The following RIMBP2 variants were observed in gnomAD, a reference collection of about 807,000 sequenced individuals.
RIMBP2 encodes the protein RIMS-binding protein 2.
In RIMBP2, 48 loss-of-function variants were observed where a neutral mutation model predicts 118.6. That is an observed-to-expected ratio of 0.40 (90% CI 0.32 to 0.51). RIMBP2 has a LOEUF of 0.51. RIMBP2 is among the 20% of genes least tolerant of loss of function. RIMBP2 has a pLI of 0.41. For synonymous variants in RIMBP2, 762 were observed against 742.9 expected, an observed-to-expected ratio of 1.03 and a Z score of -0.42; for missense variants, 1,551 against 1,768.3, an observed-to-expected ratio of 0.88 and a Z score of 2.20.
At chr12:130,535,671 A>G (rs1487006218) in intron 2 of RIMBP2, among the ~76,000 whole-genome samples, 1 of 115,984 alleles carries the variant, frequency 8.6e-6, no homozygotes, top group Non-Finnish European at 1.8e-5. Flanking sequence ...ATATACATAT[A>G]TACACATATA....
intron 2 of RIMBP2, among the ~76,000 whole-genome samples, chr12:130,575,754 C>A (rs559150193): frequency 6.6e-6 from 1 of 152,242 alleles, no homozygotes; most frequent in African/African-American, 2.4e-5. Context: ...TCAGCAGAGG[C>A]TGCTCAGATG....
intron 1 of RIMBP2, among the ~76,000 whole-genome samples, chr12:130,664,403 G>GCATGCACGCACACA (rs2063792976): frequency 1.6e-5 from 1 of 61,694 alleles, no homozygotes; most frequent in East Asian, 4.7e-4. Flanking sequence ...ACACACGCAC[G>GCATGCACGCACACA]CACGCACGCA....
chr12:130,586,467 G>T (rs1343705198), intron 2 of RIMBP2, among the ~76,000 whole-genome samples: 5 of 152,068 alleles, frequency 3.3e-5, no homozygotes, highest in African/African-American at 1.2e-4. Flanking sequence ...AGAATAAGAA[G>T]AAGAAGAAGA....
At chr12:130,682,905 C>G (rs547149008) in intron 1 of RIMBP2, among the ~76,000 whole-genome samples, 2 of 152,182 alleles carry the variant, frequency 1.3e-5, no homozygotes, top group Admixed American at 1.3e-4. Context: ...ACGAGTACCC[C>G]GAGCTATGAG....
rs1451314912 is a variant in RIMBP2 at position 130,646,053 on chromosome 12, C to T, written c.-351-17597G>A. Reference sequence around the variant, plus strand: ...GCGGCAGCCAGTTCCCTCTCCACCTCCCTCACCACCTGCCTCTCCACCTCC... The same window carrying T: ...GCGGCAGCCAGTTCCCTCTCCACCTTCCTCACCACCTGCCTCTCCACCTCC... On this transcript the variant is annotated intron_variant, in intron 1 of 22. Transcript: ENST00000690449. 1.3e-4 allele frequency among the ~76,000 whole-genome samples: 17 copies of T among 127,558 alleles called. 2 individuals carry two copies. Among genetic ancestry groups the T allele is most frequent in the African/African-American group, 4.7e-4 (17 of 35,980 alleles). 83.7% of individuals were successfully genotyped at this position (127,558 alleles called of 152,430 possible).
chr12:130,406,731 C>G (rs533232627), intron 20 of RIMBP2, among the ~76,000 whole-genome samples: 2 of 152,290 alleles, frequency 1.3e-5, no homozygotes, highest in East Asian at 3.9e-4. Context: ...ACTGCAACCT[C>G]TGCCTCTCGG....
At chr12:130,565,059 G>A (rs1433053575) in intron 2 of RIMBP2, among the ~76,000 whole-genome samples, 2 of 152,178 alleles carry the variant, frequency 1.3e-5, no homozygotes, top group African/African-American at 4.8e-5. Flanking sequence ...GCAGCAGGGG[G>A]AAGGAAATGT....
intron 1 of RIMBP2, among the ~76,000 whole-genome samples, chr12:130,706,559 G>A (rs913214807): frequency 1.3e-5 from 2 of 152,254 alleles, no homozygotes; most frequent in African/African-American, 2.4e-5. Context: ...GCAGGTCCGC[G>A]CTCCCCATGG....
At position 130,434,584 on chromosome 12, in the gene RIMBP2, T is replaced by C. The variant is rs2077370412; in HGVS notation, c.2253+150A>G. On this transcript the variant is annotated intron_variant, in intron 14 of 22. Coordinates refer to ENST00000690449, the MANE Select transcript of RIMBP2 (RefSeq NM_001393629.1). The surrounding 1 kb of genome is among the most constrained non-coding windows in gnomAD (Gnocchi z 5.7). ...GCATTAAATATAAACTTCAGAAACC[T>C]AGCACGACTTAGGACCCCAGCTGGG... is the stretch of plus-strand genomic sequence containing the variant. 1 of 782,680 alleles carries C rather than the reference T, an allele frequency of 1.3e-6. No homozygotes were observed. The highest frequency in any genetic ancestry group is 2.0e-6 in the Non-Finnish European group (1 of 503,780). 48.5% of individuals were successfully genotyped at this position (782,680 alleles called of 1,614,324 possible).
rs79479399 is a variant in RIMBP2, at chr12:130,670,368, G to A, written c.-351-41912C>T. On this transcript the variant is annotated intron_variant, in intron 1 of 22. Coordinates refer to ENST00000690449, the MANE Select transcript of RIMBP2 (RefSeq NM_001393629.1). This position sits in a 1 kb window ranked among gnomAD's most constrained non-coding sequence, Gnocchi z 4.9. ...GCGGATCTTCCCGGCAGCCACCAGC[G>A]TGTGAGCATTTTGCCTCGGGAAACT... Among the ~76,000 whole-genome samples, 1,446 of 152,238 alleles carry A rather than the reference G, an allele frequency of 9.5e-3. 13 individuals carry two copies. The highest frequency in any genetic ancestry group is 0.031 in the Middle Eastern group (9 of 294).
chr12:130,505,594 C>T (rs2050245442), intron 4 of RIMBP2, among the ~76,000 whole-genome samples: 1 of 87,176 alleles, frequency 1.1e-5, no homozygotes, highest in South Asian at 5.6e-4. Context: ...TCATCCCCAA[C>T]CCCCACTCCC....
At position 130,438,539 on chromosome 12, in the gene RIMBP2, G is replaced by A. The variant is rs771057048; in HGVS notation, c.1505-23C>T. On this transcript the variant is annotated intron_variant, in intron 11 of 22. Coordinates refer to ENST00000690449, the MANE Select transcript of RIMBP2 (RefSeq NM_001393629.1). The stretch of plus-strand genomic sequence containing the variant: ...GTCCTGGGAGGGGACAGAAGGGAAC[G>A]GAGGCGTTCAGGGACCAGCCCTGGC... 151 of 1,561,158 alleles carry A rather than the reference G, an allele frequency of 9.7e-5. 2 individuals carry two copies. The Middle Eastern group carries it at 9.9e-4, about 10-fold the overall frequency.
At chr12:130,606,170 GTAAAAAA>G (rs1275698135) in intron 2 of RIMBP2, among the ~76,000 whole-genome samples, 1 of 152,034 alleles carries the variant, frequency 6.6e-6, no homozygotes, top group Non-Finnish European at 1.5e-5. Flanking sequence ...AGTAAATATG[GTAAAAAA>G]TAAAAAATAA....
chr12:130,460,766 C>T (rs181920918), intron 6 of RIMBP2, among the ~76,000 whole-genome samples: 1 of 152,244 alleles, frequency 6.6e-6, no homozygotes, highest in Admixed American at 6.5e-5. Context: ...CCGCAGATTC[C>T]CCAGGGCCTG....
At chr12:130,660,191 A>G (rs1306702779) in intron 1 of RIMBP2, 2 of 151,492 alleles carry the variant, frequency 1.3e-5, no homozygotes, top group African/African-American at 2.4e-5. Context: ...TACGTCTTCA[A>G]AAATCTTAAC....
rs7975042 is a variant in RIMBP2, at chr12:130,525,295, G to A, written c.-216-7378C>T. On this transcript the variant is annotated intron_variant, in intron 2 of 22. Coordinates refer to ENST00000690449, the MANE Select transcript of RIMBP2 (RefSeq NM_001393629.1). This position sits in a 1 kb window ranked among gnomAD's most constrained non-coding sequence, Gnocchi z 4.4. ...CTGCCCAGAAGCCAAGCAGCATTGCGGGCATCTCCGTGACCTCCAGGAGAG... is the reference window on the plus strand; with the variant it reads ...CTGCCCAGAAGCCAAGCAGCATTGCAGGCATCTCCGTGACCTCCAGGAGAG... Among the ~76,000 whole-genome samples the A allele has an allele frequency of 0.1, 15,624 of 152,192 alleles. 905 individuals carry two copies. Among genetic ancestry groups the A allele is most frequent in the East Asian group, 0.16 (809 of 5,162 alleles).
At chr12:130,671,992 C>G (rs780999059) in intron 1 of RIMBP2, among the ~76,000 whole-genome samples, 20 of 152,226 alleles carry the variant, frequency 1.3e-4, no homozygotes, top group Non-Finnish European at 2.4e-4. Context: ...AGCATATTTG[C>G]GTACGTGTTC....
At chr12:130,665,390 T>C (rs1215866794) in intron 1 of RIMBP2, among the ~76,000 whole-genome samples, 1 of 151,302 alleles carries the variant, frequency 6.6e-6, no homozygotes, top group Non-Finnish European at 1.5e-5. Flanking sequence ...CCAGGCACAG[T>C]GGAGTGCACC....
chr12:130,538,546 A>G (rs983013347), intron 2 of RIMBP2, among the ~76,000 whole-genome samples: 1 of 152,152 alleles, frequency 6.6e-6, no homozygotes, highest in Admixed American at 6.5e-5. Flanking sequence ...ATTTACATTA[A>G]TTCACACCGT....
Sources: gnomAD v4.1 joint callset for allele counts (sites outside exome capture counted in the v4.1 genomes callset) on GRCh38, gnomAD v4.1.1 for gene constraint, Gnocchi (gnomAD v3.1) non-coding constraint, MANE v1.5 for transcripts, NCBI Gene and HGNC (gene_info 2026-07-23, HGNC 2026-07-21) for gene names.